Variants in ARID1B observed in about 807,000 individuals in gnomAD.
The protein encoded by ARID1B is AT-rich interactive domain-containing protein 1B.
ARID1B carries 30 observed loss-of-function variants against 212.3 expected under a neutral mutation model. That is an observed-to-expected ratio of 0.14 (90% CI 0.11 to 0.19). The LOEUF is 0.19. ARID1B is among the 10% of genes least tolerant of loss of function. The probability of loss-of-function intolerance (pLI) is 1.00; values close to 1 mark genes in which losing one functional copy is unlikely to be tolerated. For missense variants in ARID1B, 2,891 were observed against 3,204.0 expected, an observed-to-expected ratio of 0.90 and a Z score of 2.36; for synonymous variants, 1,402 against 1,301.7, an observed-to-expected ratio of 1.08 and a Z score of -1.66.
intron 6 of ARID1B, among the ~76,000 whole-genome samples, chr6:157,125,600 T>C (rs535422775): frequency 1.1e-4 from 16 of 152,222 alleles, no homozygotes; most frequent in Non-Finnish European, 2.4e-4. Context: ...TCAGCTGAAA[T>C]GTGACTTCTT....
chr6:156,839,162 G>C (rs1783720546), intron 2 of ARID1B, among the ~76,000 whole-genome samples: 2 of 151,880 alleles, frequency 1.3e-5, no homozygotes, highest in African/African-American at 4.8e-5. Flanking sequence ...TTTCTTTTCT[G>C]TTGCTGTAAA....
Position 157,177,752 on chromosome 6 carries a change from C to G in ARID1B, c.3504+2747C>G, listed in dbSNP as rs544478998. On this transcript the variant is annotated intron_variant, in intron 11 of 19. Coordinates refer to ENST00000636930, the MANE Select transcript of ARID1B (RefSeq NM_001374828.1). ...TGTAATTTTACAGCAATTTCCATTCCTTTTTCTTGCCTCCACAAAGTTTCA... is the reference window on the plus strand; with the variant it reads ...TGTAATTTTACAGCAATTTCCATTCGTTTTTCTTGCCTCCACAAAGTTTCA... Among the ~76,000 whole-genome samples, 54 of 152,240 alleles carry G rather than the reference C, an allele frequency of 3.5e-4. 1 individual carries two copies. Among genetic ancestry groups the G allele is most frequent in the Non-Finnish European group, 4.9e-4 (33 of 67,998 alleles).
At chr6:157,115,315 T>C (rs1001052711) in intron 6 of ARID1B, among the ~76,000 whole-genome samples, 2 of 152,242 alleles carry the variant, frequency 1.3e-5, no homozygotes, top group African/African-American at 4.8e-5. Flanking sequence ...GGGAAAACTT[T>C]AGATATTTAT....
intron 16 of ARID1B, among the ~76,000 whole-genome samples, chr6:157,197,459 C>A (rs1363613726): frequency 6.6e-6 from 1 of 152,182 alleles, no homozygotes; most frequent in Non-Finnish European, 1.5e-5. Context: ...CACGGCTTTA[C>A]CAAATGAGGT....
At chr6:157,146,543 A>C (rs948750624) in intron 7 of ARID1B, among the ~76,000 whole-genome samples, 4 of 152,124 alleles carry the variant, frequency 2.6e-5, no homozygotes, top group African/African-American at 9.7e-5. Flanking sequence ...TCTCTCTTGC[A>C]CTTTTCACAT....
intron 2 of ARID1B, among the ~76,000 whole-genome samples, chr6:156,887,593 C>T (rs1208961884): frequency 1.3e-5 from 2 of 151,986 alleles, no homozygotes; most frequent in African/African-American, 4.8e-5. Context: ...GCATTTTCTT[C>T]TGTTTTCATC....
chr6:156,948,281 G>A (rs571442644), intron 4 of ARID1B, among the ~76,000 whole-genome samples: 17 of 152,192 alleles, frequency 1.1e-4, no homozygotes, highest in Admixed American at 6.5e-4. Context: ...ACGCTGGAGT[G>A]CAAGGGCATG....
At chr6:156,943,846 T>C (rs947242182) in intron 4 of ARID1B, 1 of 152,248 alleles carries the variant, frequency 6.6e-6, no homozygotes, top group Admixed American at 6.5e-5. Context: ...GAAAGTAGTT[T>C]ATATTACTTG....
At chr6:157,149,564 A>C (rs1790053659) in intron 8 of ARID1B, 1 of 152,264 alleles carries the variant, frequency 6.6e-6, no homozygotes. Context: ...TGAGTTGATA[A>C]AAGGCTTTAG....
At chr6:156,879,573 ATG>A (rs2128163920) in intron 2 of ARID1B, among the ~76,000 whole-genome samples, 1 of 152,354 alleles carries the variant, frequency 6.6e-6, no homozygotes, top group Admixed American at 6.5e-5. Context: ...ACAATGGAAA[ATG>A]TGTTTTGGGA....
chr6:157,163,943 T>C (rs948441691), intron 8 of ARID1B, among the ~76,000 whole-genome samples: 6 of 152,260 alleles, frequency 3.9e-5, no homozygotes, highest in African/African-American at 1.2e-4. Flanking sequence ...TTACTAGCTG[T>C]GTGACTTTAG....
rs1338084495 is a variant in ARID1B at position 157,028,028 on chromosome 6, T to C, written c.2248-56634T>C. On this transcript the variant is annotated intron_variant, in intron 4 of 19. Coordinates refer to ENST00000636930, the MANE Select transcript of ARID1B (RefSeq NM_001374828.1). ...TGGAGAATCTAAACTTACCAAGCTG[T>C]AGCATAAGACATTGGCTTCATAAAC... 3.9e-5 allele frequency among the ~76,000 whole-genome samples: 6 copies of C among 152,342 alleles called. No individual in the cohort carries two copies. The East Asian group carries it at 9.6e-4, about 24-fold the overall frequency.
chr6:156,895,581 G>A (rs540861456), intron 2 of ARID1B, among the ~76,000 whole-genome samples: 2 of 152,320 alleles, frequency 1.3e-5, no homozygotes, highest in East Asian at 3.9e-4. Flanking sequence ...GTTTCCCAGG[G>A]CCACCTCTTT....
chr6:157,198,605 G>T, intron 16 of ARID1B: 1 of 537,426 alleles, frequency 1.9e-6, no homozygotes, highest in Non-Finnish European at 3.3e-6. Flanking sequence ...CTAGGAGCTT[G>T]GCACCATTCC....
chr6:156,996,177 T>A (rs1778578066), intron 4 of ARID1B, among the ~76,000 whole-genome samples: 1 of 152,136 alleles, frequency 6.6e-6, no homozygotes, highest in Admixed American at 6.5e-5. Context: ...TGGTAAGGAG[T>A]AATCTAAGCC....
chr6:157,032,318 G>T (rs888441284), intron 4 of ARID1B, among the ~76,000 whole-genome samples: 1 of 152,060 alleles, frequency 6.6e-6, no homozygotes, highest in Non-Finnish European at 1.5e-5. Context: ...TCTATCATGT[G>T]AATATACCAT....
intron 4 of ARID1B, chr6:157,036,877 G>A (rs1006908473): frequency 1.4e-5 from 7 of 500,388 alleles, no homozygotes; most frequent in Non-Finnish European, 2.4e-5. Context: ...TGGACTCAAG[G>A]TGTGTAGTCT....
intron 2 of ARID1B, among the ~76,000 whole-genome samples, chr6:156,841,950 T>G (rs987119653): frequency 2.0e-5 from 3 of 152,216 alleles, no homozygotes; most frequent in Non-Finnish European, 2.9e-5. Context: ...TCCTTGTAAC[T>G]GACACTGGAG....
chr6:157,009,240 T>C (rs1779421701), intron 4 of ARID1B, among the ~76,000 whole-genome samples: 1 of 152,122 alleles, frequency 6.6e-6, no homozygotes, highest in African/African-American at 2.4e-5. Flanking sequence ...TAGTTCTGTG[T>C]TGAGTAAAAT....
Sources: allele counts gnomAD v4.1 joint callset (sites outside exome capture counted in the v4.1 genomes callset), GRCh38; gene constraint gnomAD v4.1.1; transcripts MANE v1.5; gene names NCBI Gene and HGNC (gene_info 2026-07-23, HGNC 2026-07-21).